The following FCRL2 variants were observed in gnomAD, a reference collection of about 807,000 sequenced individuals.
The protein encoded by FCRL2 is Fc receptor-like protein 2.
Under a neutral mutation model 59.8 loss-of-function variants are expected in FCRL2, and 48 were observed. That is an observed-to-expected ratio of 0.80 (90% CI 0.64 to 1.02). FCRL2 has a LOEUF of 1.02. Ranked by LOEUF, FCRL2 falls within the 50% of genes least tolerant of loss-of-function variation. The pLI is 0.00. For synonymous variants in FCRL2, 251 were observed against 229.5 expected, an observed-to-expected ratio of 1.09 and a Z score of -0.85; for missense variants, 658 against 597.3, an observed-to-expected ratio of 1.10 and a Z score of -1.06.
intron 2 of FCRL2, chr1:157,774,548 T>C (rs201183849): frequency 1.9e-4 from 83 of 446,722 alleles, no homozygotes; most frequent in Non-Finnish European, 3.0e-4. Context: ...GAAGTGGCTG[T>C]TGCCCTGTTC....
chr1:157,767,609 T>C (rs745788245), intron 5 of FCRL2, 100 bp from the exon 6 acceptor site: 1 of 1,613,868 alleles, frequency 6.2e-7, no homozygotes. Flanking sequence ...GCCCCATGGC[T>C]GTTGCATATT....
intron 2 of FCRL2, chr1:157,774,551 C>T: frequency 2.2e-6 from 1 of 444,658 alleles, no homozygotes. Context: ...GTGGCTGTTG[C>T]CCTGTTCTCT....
At position 157,746,894 on chromosome 1, in the gene FCRL2, T is replaced by C; in HGVS notation, c.1465A>G (p.Ile489Val). Residue 489 changes from isoleucine (I) to valine (V), a missense_variant, in exon 11 of 12, where the codon ATC (isoleucine) becomes GTC (valine). By Grantham distance (29) the Ile-to-Val change is conservative. Transcript: ENST00000361516. ...ACCTTGTTCTCCAGAAGTGTCCTGA[T>C]GTTTGCTGTTAAGGAAAAAGTAATA... Reference protein sequence around the residue: ...SMQQPESSANIRTLLENKDSQ... With the variant: ...SMQQPESSANVRTLLENKDSQ... 6.2e-7 allele frequency: 1 copy of C among 1,613,708 alleles called. No individual in the cohort carries two copies. The highest frequency in any genetic ancestry group is 8.5e-7 in the Non-Finnish European group (1 of 1,180,010).
At chr1:157,762,337 A>T (rs1472232164) in intron 7 of FCRL2, among the ~76,000 whole-genome samples, 1 of 152,272 alleles carries the variant, frequency 6.6e-6, no homozygotes, top group African/African-American at 2.4e-5. Context: ...CCATTGCCCA[A>T]ACCATGCTGG....
intron 7 of FCRL2, among the ~76,000 whole-genome samples, chr1:157,754,991 A>C (rs1437893505): frequency 3.3e-5 from 5 of 151,996 alleles, no homozygotes; most frequent in Non-Finnish European, 7.4e-5. Context: ...GAAAAGAAAA[A>C]AAGGAGAACT....
chr1:157,753,042 G>A (rs1017860432), intron 7 of FCRL2, among the ~76,000 whole-genome samples: 2 of 152,014 alleles, frequency 1.3e-5, no homozygotes, highest in African/African-American at 4.8e-5. Context: ...ACAAACACAC[G>A]TATGCACACA....
intron 7 of FCRL2, among the ~76,000 whole-genome samples, chr1:157,760,568 C>T (rs1406048572): frequency 6.6e-6 from 1 of 150,644 alleles, no homozygotes; most frequent in Non-Finnish European, 1.5e-5. Flanking sequence ...GTGGAAGTTG[C>T]AGTGAGCCAA....
chr1:157,765,973 T>A (rs543246071), intron 7 of FCRL2, among the ~76,000 whole-genome samples: 1 of 152,190 alleles, frequency 6.6e-6, no homozygotes, highest in Non-Finnish European at 1.5e-5. Flanking sequence ...CCAGGCCATG[T>A]TGAGAGGCTG....
intron 7 of FCRL2, among the ~76,000 whole-genome samples, chr1:157,753,692 A>C (rs1452325871): frequency 6.6e-6 from 1 of 152,210 alleles, no homozygotes; most frequent in African/African-American, 2.4e-5. Context: ...ATGAATCTTC[A>C]GTCCCTCTCC....
intron 7 of FCRL2, among the ~76,000 whole-genome samples, chr1:157,751,687 C>G (rs1557854015): frequency 6.6e-6 from 1 of 152,070 alleles, no homozygotes; most frequent in Non-Finnish European, 1.5e-5. Context: ...AAGAGGACTT[C>G]CTGAAGAGGT....
intron 7 of FCRL2, among the ~76,000 whole-genome samples, chr1:157,754,450 A>G (rs571771990): frequency 6.6e-6 from 1 of 152,182 alleles, no homozygotes; most frequent in Non-Finnish European, 1.5e-5. Context: ...AACCATAAAA[A>G]TGGGCAACAA....
chr1:157,767,922 G>T, intron 5 of FCRL2: 1 of 334,828 alleles, frequency 3.0e-6, no homozygotes, highest in Non-Finnish European at 5.2e-6. Context: ...GCCCAGTTCA[G>T]GACTATAGGA....
chr1:157,749,038 A>G (rs1647984237), intron 8 of FCRL2, 78 bp from the exon 9 acceptor site: 2 of 1,229,914 alleles, frequency 1.6e-6, no homozygotes, highest in Non-Finnish European at 2.4e-6. Flanking sequence ...CTGAGGAGAG[A>G]GCAGGTGGAA....
intron 2 of FCRL2, among the ~76,000 whole-genome samples, chr1:157,771,538 G>C (rs992114758): frequency 1.3e-5 from 2 of 152,180 alleles, no homozygotes; most frequent in Admixed American, 1.3e-4. Flanking sequence ...ATTCAGTGAA[G>C]TAGAGATTAT....
chr1:157,767,185 C>A (rs1649560201), intron 6 of FCRL2, 46 bp downstream of exon 6: 1 of 1,566,334 alleles, frequency 6.4e-7, no homozygotes, highest in East Asian at 2.2e-5. Flanking sequence ...GCTGGTGAGA[C>A]ACAGCCATTG....
intron 2 of FCRL2, among the ~76,000 whole-genome samples, chr1:157,773,214 T>C (rs1454258958): frequency 6.6e-6 from 1 of 152,230 alleles, no homozygotes; most frequent in African/African-American, 2.4e-5. Flanking sequence ...TGTGTTCAGT[T>C]ACAGTTTCTC....
Position 157,770,038 on chromosome 1 carries a change from G to C in FCRL2, c.423C>G (p.Leu141=). 6.2e-7 allele frequency: 1 copy of C among 1,614,204 alleles called. No homozygotes were observed. The highest frequency in any genetic ancestry group is 1.1e-5 in the South Asian group (1 of 91,086). ...GGTTTTCTCTGAAGAAGCAGAACTG[G>C]AGTTGAACATCCAACCTCTGTGGAG... The part of the protein sequence containing the change: ...RLSPQRLDVQ[L]QFCFFRENQV... Residue 141 remains leucine, a synonymous_variant, in exon 4 of 12, where the codon CTC becomes CTG. Coordinates refer to ENST00000361516, the MANE Select transcript of FCRL2 (RefSeq NM_030764.4).
At chr1:157,772,082 T>C (rs1275182051) in intron 2 of FCRL2, among the ~76,000 whole-genome samples, 1 of 150,682 alleles carries the variant, frequency 6.6e-6, no homozygotes, top group Non-Finnish European at 1.5e-5. Flanking sequence ...GGAGAAACAA[T>C]TAACTTAATT....
At chr1:157,748,813 G>T in intron 9 of FCRL2, 62 bp downstream of exon 9, 2 of 1,513,244 alleles carry the variant, frequency 1.3e-6, no homozygotes, top group Non-Finnish European at 1.8e-6. Context: ...AATGGTCTCC[G>T]CTCCTGTCTC....
Sources: allele counts gnomAD v4.1 joint callset (sites outside exome capture counted in the v4.1 genomes callset), GRCh38; gene constraint gnomAD v4.1.1; transcripts MANE v1.5; gene names NCBI Gene and HGNC (gene_info 2026-07-23, HGNC 2026-07-21).